The following SYT16 variants were observed in gnomAD, a reference collection of about 807,000 sequenced individuals.
The protein encoded by SYT16 is synaptotagmin 16, also known as synaptotagmin-16.
Under a neutral mutation model 61.4 loss-of-function variants are expected in SYT16, and 42 were observed. The observed-to-expected ratio is 0.68, with a 90% CI of 0.53 to 0.89. The LOEUF is 0.89. SYT16 is among the 40% of genes least tolerant of loss of function. SYT16 has a pLI of 0.00. For missense variants in SYT16, 804 were observed against 807.3 expected (o/e 1.00, Z 0.05); for synonymous variants, 314 against 302.3 (o/e 1.04, Z -0.40).
chr14:61,976,660 C>A (rs1251425741), intron 2 of SYT16, among the ~76,000 whole-genome samples: 1 of 152,158 alleles, frequency 6.6e-6, no homozygotes, highest in African/African-American at 2.4e-5. Context: ...AGAGCACCAA[C>A]TCCCGAGACT....
intron 3 of SYT16, among the ~76,000 whole-genome samples, chr14:62,001,957 A>G (rs1331375029): frequency 6.6e-6 from 1 of 152,088 alleles, no homozygotes; most frequent in Non-Finnish European, 1.5e-5. Flanking sequence ...CCCTCTGCTC[A>G]TCACTTCATG....
chr14:62,029,558 G>T (rs1003827744), intron 3 of SYT16, among the ~76,000 whole-genome samples: 3 of 152,170 alleles, frequency 2.0e-5, no homozygotes, highest in Admixed American at 6.6e-5. Context: ...TCTATTCCCA[G>T]AATAGCACAG....
chr14:61,924,721 A>G (rs1382666873), intron 1 of SYT16, among the ~76,000 whole-genome samples: 2 of 152,140 alleles, frequency 1.3e-5, no homozygotes, highest in African/African-American at 4.8e-5. Context: ...TCAGTTTCTT[A>G]TTATGTAAAA....
chr14:62,092,173 AACACACACACACACACACACAC>A lies in SYT16; in HGVS notation c.1624+7821_1624+7842del, dbSNP rs56324432. On this transcript the variant is annotated intron_variant, in intron 7 of 7. Coordinates refer to ENST00000683842, the MANE Select transcript of SYT16 (RefSeq NM_001367656.1). ...TCATACCCATTAGGATGGCTACTAT[AACACACACACACACACACACAC>A]ACACACACACACACACACACACACA... is the stretch of plus-strand genomic sequence containing the variant. Among the ~76,000 whole-genome samples the A allele has an allele frequency of 4.5e-3, 591 of 131,392 alleles. 8 individuals are homozygous for A. Among genetic ancestry groups the A allele is most frequent in the African/African-American group, 0.015 (527 of 35,932 alleles). 86.2% of individuals were successfully genotyped at this position (131,392 alleles called of 152,430 possible).
intron 1 of SYT16, among the ~76,000 whole-genome samples, chr14:61,968,130 G>C (rs139946800): frequency 1.3e-5 from 2 of 152,048 alleles, no homozygotes; most frequent in African/African-American, 4.8e-5. Context: ...GTATGGTGGC[G>C]CATGCCTGAA....
At chr14:61,853,816 G>A (rs2046690336) in intron 1 of SYT16, among the ~76,000 whole-genome samples, 1 of 152,112 alleles carries the variant, frequency 6.6e-6, no homozygotes, top group Admixed American at 6.5e-5. Context: ...AGTAGTGGGA[G>A]CACAATTTAT....
At chr14:62,027,488 G>A (rs1243168054) in intron 3 of SYT16, among the ~76,000 whole-genome samples, 1 of 152,172 alleles carries the variant, frequency 6.6e-6, no homozygotes, top group African/African-American at 2.4e-5. Context: ...TATTCTGACA[G>A]GTTGTTACCT....
intron 7 of SYT16, among the ~76,000 whole-genome samples, chr14:62,099,895 C>G (rs796851680): frequency 2.6e-5 from 4 of 152,122 alleles, no homozygotes; most frequent in African/African-American, 9.6e-5. Context: ...GTCTGTCTGT[C>G]TGTCTCTCTC....
At chr14:61,861,430 C>T (rs1203702802) in intron 1 of SYT16, among the ~76,000 whole-genome samples, 4 of 152,040 alleles carry the variant, frequency 2.6e-5, no homozygotes, top group African/African-American at 9.7e-5. Context: ...TTTTTGTTTT[C>T]GAGACAGGGT....
At chr14:61,988,019 A>AT (rs1284507380) in intron 2 of SYT16, among the ~76,000 whole-genome samples, 3 of 151,952 alleles carry the variant, frequency 2.0e-5, no homozygotes, top group Non-Finnish European at 4.4e-5. Context: ...TTGTGTCTGC[A>AT]TTTTGCCTTC....
chr14:62,077,260 TTTTGACAA>T (rs1206683749), intron 5 of SYT16, among the ~76,000 whole-genome samples: 1 of 152,172 alleles, frequency 6.6e-6, no homozygotes, highest in Non-Finnish European at 1.5e-5. Flanking sequence ...CCTACCTGGG[TTTTGACAA>T]TTTGACACAA....
chr14:61,822,328 T>G (rs1291908579), intron 1 of SYT16, among the ~76,000 whole-genome samples: 1 of 152,182 alleles, frequency 6.6e-6, no homozygotes, highest in Non-Finnish European at 1.5e-5. Flanking sequence ...ACTCCTTCTT[T>G]GTCCTCGTGG....
At chr14:62,074,745 A>G (rs2056422492) in intron 4 of SYT16, among the ~76,000 whole-genome samples, 1 of 152,178 alleles carries the variant, frequency 6.6e-6, no homozygotes, top group South Asian at 2.1e-4. Flanking sequence ...AACACTGAAG[A>G]GGAAAGGAAG....
intron 1 of SYT16, among the ~76,000 whole-genome samples, chr14:61,816,984 C>A (rs1326758065): frequency 3.4e-5 from 5 of 145,526 alleles, no homozygotes; most frequent in African/African-American, 1.3e-4. Context: ...GCACTCCAGC[C>A]TGGGCGACAG....
chr14:61,948,995 G>C (rs1045469133), intron 1 of SYT16, among the ~76,000 whole-genome samples: 30 of 152,174 alleles, frequency 2.0e-4, no homozygotes, highest in African/African-American at 7.2e-4. Flanking sequence ...CTTAGGAGGA[G>C]ACAGCTGAGT....
intron 1 of SYT16, among the ~76,000 whole-genome samples, chr14:61,862,584 C>T (rs1254886888): frequency 1.3e-5 from 2 of 152,222 alleles, no homozygotes; most frequent in Non-Finnish European, 2.9e-5. Flanking sequence ...GCATCTCCCA[C>T]TAGACTGATA....
chr14:62,081,244 T>C lies in SYT16; in HGVS notation c.1404T>C (p.Thr468=), dbSNP rs768477692. 19 of 1,613,910 alleles carry C rather than the reference T, an allele frequency of 1.2e-5. 1 individual carries two copies. In the South Asian group the frequency reaches 1.5e-4, roughly 13 times the overall value. Residue 468 remains threonine (T), a synonymous_variant, in exon 6 of 8, where the codon ACT becomes ACC. Transcript: ENST00000683842. The part of the protein sequence containing the change: ...HLHPEGEMKV[T]LVLEPRSNIS... ...ACCCAGAAGGGGAAATGAAAGTGAC[T>C]CTGGTTCTGGAGCCAAGAAGTAATA...
intron 1 of SYT16, among the ~76,000 whole-genome samples, chr14:61,910,511 C>T (rs1183045018): frequency 2.9e-5 from 4 of 139,890 alleles, no homozygotes; most frequent in Non-Finnish European, 6.2e-5. Context: ...AGCACTGAGC[C>T]GCCGCATCCC....
intron 1 of SYT16, among the ~76,000 whole-genome samples, chr14:61,822,052 G>T (rs542550086): frequency 2.6e-5 from 4 of 152,220 alleles, no homozygotes; most frequent in Non-Finnish European, 4.4e-5. Context: ...TGAGCAAGCT[G>T]CAGAACCAGA....
Sources: gnomAD v4.1 joint callset for allele counts (sites outside exome capture counted in the v4.1 genomes callset) on GRCh38, gnomAD v4.1.1 for gene constraint, MANE v1.5 for transcripts, NCBI Gene and HGNC (gene_info 2026-07-23, HGNC 2026-07-21) for gene names.